Variants in RAPGEF1 observed in about 807,000 individuals in gnomAD.
The protein encoded by RAPGEF1 is Rap guanine nucleotide exchange factor 1, also known as CRK SH3-binding GNRP.
A neutral mutation model predicts 143.3 loss-of-function variants in RAPGEF1; 33 were observed. The ratio of observed to expected loss-of-function variants is 0.23; its 90% CI spans 0.17 to 0.31. The LOEUF (loss-of-function observed/expected upper bound fraction) is 0.31, where lower values mean the gene tolerates loss of function less well. Among genes scored for constraint, RAPGEF1 ranks in the 10% least tolerant of loss-of-function variants. The pLI, the probability that RAPGEF1 is intolerant of heterozygous loss-of-function variation, is 1.00. For synonymous variants in RAPGEF1, 629 were observed against 676.5 expected (o/e 0.93, Z 1.09); for missense variants, 1,199 against 1,645.4 (o/e 0.73, Z 4.69).
intron 20 of RAPGEF1, 46 bp downstream of exon 20, chr9:131,588,755 C>A: frequency 6.4e-7 from 1 of 1,550,864 alleles, no homozygotes; most frequent in South Asian, 1.2e-5. Flanking sequence ...CTGAGAAAGG[C>A]ACGGCTCCTG....
At chr9:131,725,738 G>C (rs937695346) in intron 1 of RAPGEF1, among the ~76,000 whole-genome samples, 2 of 150,460 alleles carry the variant, frequency 1.3e-5, no homozygotes, top group Non-Finnish European at 3.0e-5. Context: ...CAAGCCCTTT[G>C]CCCATTTAAA....
chr9:131,633,367 CG>C (rs1965473477), intron 5 of RAPGEF1, among the ~76,000 whole-genome samples: 1 of 152,146 alleles, frequency 6.6e-6, no homozygotes, highest in Non-Finnish European at 1.5e-5. Flanking sequence ...AGGAGCATCA[CG>C]GCCTTAGAGG....
At chr9:131,698,523 C>T (rs766205104) in intron 1 of RAPGEF1, among the ~76,000 whole-genome samples, 1 of 152,224 alleles carries the variant, frequency 6.6e-6, no homozygotes, top group Non-Finnish European at 1.5e-5. Context: ...GCAGTAATGG[C>T]CAAACGATTC....
intron 1 of RAPGEF1, among the ~76,000 whole-genome samples, chr9:131,672,213 T>C (rs143909058): frequency 1.7e-4 from 26 of 152,358 alleles, no homozygotes; most frequent in African/African-American, 6.3e-4. Context: ...AGGCAGAGGC[T>C]AATAAGCTTT....
intron 12 of RAPGEF1, among the ~76,000 whole-genome samples, chr9:131,606,989 C>T (rs1031464263): frequency 1.3e-5 from 2 of 152,140 alleles, no homozygotes; most frequent in Non-Finnish European, 1.5e-5. Flanking sequence ...CGAGGGACAA[C>T]GCAACCCTCT....
At chr9:131,739,708 G>A (rs1347206609) in intron 1 of RAPGEF1, 62 bp downstream of exon 1, 6 of 1,027,448 alleles carry the variant, frequency 5.8e-6, no homozygotes, top group Non-Finnish European at 7.0e-6. Flanking sequence ...CTCGGCCCGG[G>A]GAGCGGCGGA....
At chr9:131,605,858 G>A (rs974108493) in intron 12 of RAPGEF1, among the ~76,000 whole-genome samples, 1 of 151,434 alleles carries the variant, frequency 6.6e-6, no homozygotes, top group Non-Finnish European at 1.5e-5. Context: ...TGGATTGCTT[G>A]AGCCCAGGAG....
At chr9:131,639,209 T>C (rs1967024243) in intron 4 of RAPGEF1, among the ~76,000 whole-genome samples, 1 of 152,114 alleles carries the variant, frequency 6.6e-6, no homozygotes, top group Admixed American at 6.6e-5. Flanking sequence ...CTATTTTAGA[T>C]GTGCCACAAG....
chr9:131,722,326 CCCAAG>C (rs1206768629), intron 1 of RAPGEF1, among the ~76,000 whole-genome samples: 1 of 152,202 alleles, frequency 6.6e-6, no homozygotes, highest in Non-Finnish European at 1.5e-5. Flanking sequence ...TTTCCCCTCC[CCCAAG>C]CCAGTGATAC....
At chr9:131,709,949 A>G (rs1835390459) in intron 1 of RAPGEF1, 1 of 985,366 alleles carries the variant, frequency 1.0e-6, no homozygotes, top group Non-Finnish European at 1.2e-6. Flanking sequence ...GGCATGGTCT[A>G]TATTAAGAAG....
intron 1 of RAPGEF1, among the ~76,000 whole-genome samples, chr9:131,698,975 T>G (rs746074216): frequency 3.9e-5 from 6 of 152,230 alleles, no homozygotes; most frequent in Admixed American, 1.3e-4. Context: ...CCACAGCTGA[T>G]AATCAGGACT....
intron 1 of RAPGEF1, 58 bp from the exon 2 acceptor site, chr9:131,651,007 T>C (rs1970946354): frequency 1.3e-5 from 20 of 1,565,858 alleles, no homozygotes; most frequent in Non-Finnish European, 1.7e-5. Flanking sequence ...GATGGTTCAT[T>C]GACCTTTTGT....
chr9:131,657,353 C>T (rs147616432), intron 1 of RAPGEF1, among the ~76,000 whole-genome samples: 6 of 152,324 alleles, frequency 3.9e-5, no homozygotes, highest in African/African-American at 7.2e-5. Context: ...ACTGCTGCGT[C>T]GCAGGCAGTG....
chr9:131,725,863 A>G (rs1483321032), intron 1 of RAPGEF1, among the ~76,000 whole-genome samples: 2 of 145,190 alleles, frequency 1.4e-5, no homozygotes, highest in Non-Finnish European at 3.0e-5. Context: ...GGTTCATGCC[A>G]TTCTCCTGCC....
chr9:131,641,538 A>C lies in RAPGEF1; in HGVS notation c.494+1701T>G, dbSNP rs1967972847. Among the ~76,000 whole-genome samples, 1 of 152,232 alleles carries C rather than the reference A, an allele frequency of 6.6e-6. No individual in the cohort carries two copies. Among genetic ancestry groups the C allele is most frequent in the Non-Finnish European group, 1.5e-5 (1 of 68,036 alleles). ...AACTCCAACACAGCTTCCTCCCTGT[A>C]CCGTAAAATAAGTGCTTTATCGTAG... On this transcript the variant is annotated intron_variant, in intron 4 of 26. Coordinates refer to ENST00000683357, the MANE Select transcript of RAPGEF1 (RefSeq NM_001377935.1). This position sits in a 1 kb window ranked among gnomAD's most constrained non-coding sequence, Gnocchi z 4.6.
intron 4 of RAPGEF1, among the ~76,000 whole-genome samples, chr9:131,642,901 C>T (rs1406628406): frequency 6.6e-6 from 1 of 152,120 alleles, no homozygotes; most frequent in African/African-American, 2.4e-5. Flanking sequence ...AAGTTTCATT[C>T]AAAACAGGCT....
Position 131,621,490 on chromosome 9 carries a change from A to G in RAPGEF1, c.1905+306T>C, listed in dbSNP as rs1021888048. ...GCCAAAGAAGAAAGAAAAAAATACA[A>G]GAGACTGTCAGCAGAGAGAGCAAAC... is the stretch of plus-strand genomic sequence containing the variant. On this transcript the variant is annotated intron_variant, in intron 11 of 26. Transcript: ENST00000683357. This position sits in a 1 kb window ranked among gnomAD's most constrained non-coding sequence, Gnocchi z 4.5. 6.6e-6 allele frequency among the ~76,000 whole-genome samples: 1 copy of G among 152,202 alleles called. No individual in the cohort carries two copies. Among genetic ancestry groups the G allele is most frequent in the Non-Finnish European group, 1.5e-5 (1 of 68,032 alleles).
chr9:131,581,689 G>A (rs1209914844), intron 25 of RAPGEF1, among the ~76,000 whole-genome samples: 1 of 152,196 alleles, frequency 6.6e-6, no homozygotes, highest in African/African-American at 2.4e-5. Context: ...GTGACAGAGT[G>A]AGACTCCATC....
chr9:131,714,766 G>A (rs1835747682), intron 1 of RAPGEF1, among the ~76,000 whole-genome samples: 1 of 148,768 alleles, frequency 6.7e-6, no homozygotes, highest in Admixed American at 6.7e-5. Flanking sequence ...GGAGTGCAGT[G>A]GTGCAATCAC....
Sources: allele counts gnomAD v4.1 joint callset (sites outside exome capture counted in the v4.1 genomes callset), GRCh38; gene constraint gnomAD v4.1.1; non-coding constraint Gnocchi (gnomAD v3.1); transcripts MANE v1.5; gene names NCBI Gene and HGNC (gene_info 2026-07-23, HGNC 2026-07-21).